The following AGPAT3 variants were observed in gnomAD, a reference collection of about 807,000 sequenced individuals.
AGPAT3 encodes 1-acylglycerol-3-phosphate O-acyltransferase 3, also known as 1-acyl-sn-glycerol-3-phosphate acyltransferase gamma.
A neutral mutation model predicts 47.3 loss-of-function variants in AGPAT3; 5 were observed. The ratio of observed to expected loss-of-function variants is 0.11; its 90% CI spans 0.06 to 0.22. The LOEUF (loss-of-function observed/expected upper bound fraction) is 0.22, where lower values mean the gene tolerates loss of function less well. Among genes scored for constraint, AGPAT3 ranks in the 10% least tolerant of loss-of-function variants. The pLI, the probability that AGPAT3 is intolerant of heterozygous loss-of-function variation, is 1.00. For synonymous variants in AGPAT3, 212 were observed against 208.3 expected, an observed-to-expected ratio of 1.02 and a Z score of -0.15; for missense variants, 315 against 493.0, an observed-to-expected ratio of 0.64 and a Z score of 3.42.
intron 1 of AGPAT3, among the ~76,000 whole-genome samples, chr21:43,881,498 A>G (rs570907995): frequency 4.6e-5 from 7 of 152,322 alleles, no homozygotes; most frequent in African/African-American, 1.4e-4. Flanking sequence ...TGCTGGAAAC[A>G]TGGCTGGTGG....
chr21:43,978,945 G>C (rs901219746), intron 8 of AGPAT3, among the ~76,000 whole-genome samples: 13 of 152,154 alleles, frequency 8.5e-5, no homozygotes, highest in Non-Finnish European at 1.9e-4. Context: ...AGATAACCAG[G>C]AAATCCTCCC....
rs1227038905 is a variant in AGPAT3, at chr21:43,959,301, C to CCACA, written c.-48-333_-48-332insCACA. Among the ~76,000 whole-genome samples, 6 of 86,686 alleles carry CCACA rather than the reference C, an allele frequency of 6.9e-5. No individual in the cohort carries two copies. The East Asian group carries it at 1.5e-3, about 22-fold the overall frequency. The allele number at this position is 86,686 out of a possible 152,430, so 56.9% of individuals were successfully genotyped here. ...TGGCATGTGTGGGGTTTGTGATGAG[C>CCACA]TGTGGTGTGTGGCGTGTGTGTGGTT... On this transcript the variant is annotated intron_variant, in intron 2 of 9. Coordinates refer to ENST00000291572, the MANE Select transcript of AGPAT3 (RefSeq NM_020132.5).
intron 1 of AGPAT3, among the ~76,000 whole-genome samples, chr21:43,884,260 CCCTCCTTCCCCCT>C (rs1332846625): frequency 8.1e-4 from 117 of 144,896 alleles, no homozygotes; most frequent in Middle Eastern, 3.5e-3. Flanking sequence ...CCCTCCTTCC[CCCTCCTTCCCCCT>C]CCTCCTTCCC....
rs900938888 is a variant in AGPAT3, at chr21:43,880,780, T to G, written c.-112+15435T>G. Among the ~76,000 whole-genome samples, 1 of 152,240 alleles carries G rather than the reference T, an allele frequency of 6.6e-6. No homozygotes were observed. Among genetic ancestry groups the G allele is most frequent in the Non-Finnish European group, 1.5e-5 (1 of 68,044 alleles). ...CAGGCGCTGGACGTCTCCTGCTCAC[T>G]GGCATTAAGTGGGCAGGCGGCTTAT... On this transcript the variant is annotated intron_variant, in intron 1 of 9. Transcript: ENST00000291572. This position sits in a 1 kb window ranked among gnomAD's most constrained non-coding sequence, Gnocchi z 4.5.
intron 1 of AGPAT3, among the ~76,000 whole-genome samples, chr21:43,887,246 A>C (rs1473889356): frequency 4.6e-5 from 7 of 152,196 alleles, no homozygotes; most frequent in Non-Finnish European, 7.3e-5. Flanking sequence ...CCCAAGCCTG[A>C]AATATTCACC....
chr21:43,979,313 A>AAAAG (rs2089751345), intron 8 of AGPAT3, among the ~76,000 whole-genome samples: 1 of 145,818 alleles, frequency 6.9e-6, no homozygotes, highest in East Asian at 2.0e-4. Context: ...AAAAAAAAAA[A>AAAAG]AAAGAAAGAA....
intron 2 of AGPAT3, among the ~76,000 whole-genome samples, chr21:43,938,316 CTTTTTTTTT>C (rs57776186): frequency 2.8e-5 from 2 of 70,536 alleles, no homozygotes; most frequent in African/African-American, 1.2e-4. Context: ...ATCTGCAAAT[CTTTTTTTTT>C]TTTTTTTTTT....
chr21:43,874,281 T>C (rs8133789), intron 1 of AGPAT3, among the ~76,000 whole-genome samples: 122,321 of 152,240 alleles, frequency 0.8, 49,199 homozygotes, highest in Admixed American at 0.85. Context: ...CCACCTCGGC[T>C]TCCCCGAGTG....
rs963980583 is a variant in AGPAT3 at position 43,930,029 on chromosome 21, C to T, written c.-49+26010C>T. 1.3e-5 allele frequency among the ~76,000 whole-genome samples: 2 copies of T among 152,356 alleles called. No homozygotes were observed. Among genetic ancestry groups the T allele is most frequent in the South Asian group, 4.1e-4 (2 of 4,828 alleles). The stretch of plus-strand genomic sequence containing the variant: ...GAGAGAGGACTTGAGTGACTGTCCT[C>T]CTGGAACCCAGGGTGCCTTGTCCTG... On this transcript the variant is annotated intron_variant, in intron 2 of 9. Coordinates refer to ENST00000291572, the MANE Select transcript of AGPAT3 (RefSeq NM_020132.5). This position sits in a 1 kb window ranked among gnomAD's most constrained non-coding sequence, Gnocchi z 5.0.
rs1048294567 is a variant in AGPAT3, at chr21:43,930,210, C to T, written c.-49+26191C>T. On this transcript the variant is annotated intron_variant, in intron 2 of 9. Coordinates refer to ENST00000291572, the MANE Select transcript of AGPAT3 (RefSeq NM_020132.5). This position sits in a 1 kb window ranked among gnomAD's most constrained non-coding sequence, Gnocchi z 5.0. ...GGGTTCCCCTTCCACGGTTCCCTGC[C>T]CCCGGGGACACAGTTGTGGGAGGTC... is the stretch of plus-strand genomic sequence containing the variant. 3.3e-5 allele frequency among the ~76,000 whole-genome samples: 5 copies of T among 152,164 alleles called. No homozygotes were observed. Among genetic ancestry groups the T allele is most frequent in the Admixed American group, 6.5e-5 (1 of 15,278 alleles).
chr21:43,976,091 G>A (rs62229688), intron 7 of AGPAT3, among the ~76,000 whole-genome samples: 38,166 of 149,502 alleles, frequency 0.26, 4,912 homozygotes, highest in Admixed American at 0.32. Context: ...TTTTTGAGAC[G>A]GAGTCTCGCT....
chr21:43,977,512 G>A (rs1202043028), intron 7 of AGPAT3, among the ~76,000 whole-genome samples: 2 of 152,118 alleles, frequency 1.3e-5, no homozygotes, highest in Admixed American at 6.5e-5. Context: ...GCCTCTCGCC[G>A]CCATGCCACG....
rs1039235812 is a variant in AGPAT3, at chr21:43,982,086, C to T, written c.1043-218C>T. ...CGTGTCCACCTGCCTCGGACCCAGCCGGTCAGAAGACGTGCCCCTCACCCC... is the reference window on the plus strand; with the variant it reads ...CGTGTCCACCTGCCTCGGACCCAGCTGGTCAGAAGACGTGCCCCTCACCCC... On this transcript the variant is annotated intron_variant, in intron 9 of 9. Transcript: ENST00000291572. The surrounding 1 kb of genome is among the most constrained non-coding windows in gnomAD (Gnocchi z 6.2). Among the ~76,000 whole-genome samples, 4 of 152,226 alleles carry T rather than the reference C, an allele frequency of 2.6e-5. No individual in the cohort carries two copies. Among genetic ancestry groups the T allele is most frequent in the African/African-American group, 7.2e-5 (3 of 41,448 alleles).
At chr21:43,960,654 C>A in intron 3 of AGPAT3, 1 of 748,710 alleles carries the variant, frequency 1.3e-6, no homozygotes, top group Non-Finnish European at 1.6e-6. Flanking sequence ...AGAAGCAACC[C>A]AAGCACCTGT....
At position 43,880,383 on chromosome 21, in the gene AGPAT3, G is replaced by A. The variant is rs2085832409; in HGVS notation, c.-112+15038G>A. Among the ~76,000 whole-genome samples the A allele has an allele frequency of 6.6e-6, 1 of 152,220 alleles. No homozygotes were observed. The highest frequency in any genetic ancestry group is 2.1e-4 in the South Asian group (1 of 4,834). ...TGGGGCTCCTGGTCAGCCTGTTCTT[G>A]TCTTGTTCTGGTGCCACTTCCTCAG... On this transcript the variant is annotated intron_variant, in intron 1 of 9. Coordinates refer to ENST00000291572, the MANE Select transcript of AGPAT3 (RefSeq NM_020132.5). This position sits in a 1 kb window ranked among gnomAD's most constrained non-coding sequence, Gnocchi z 4.5.
In AGPAT3 at chr21:43,941,234, GCA is replaced by G. The variant is rs138090092; in HGVS notation, c.-48-18396_-48-18395del. On this transcript the variant is annotated intron_variant, in intron 2 of 9. Coordinates refer to ENST00000291572, the MANE Select transcript of AGPAT3 (RefSeq NM_020132.5). The stretch of plus-strand genomic sequence containing the variant: ...CTAGACTGTGTTTGTTTTTCTTGGT[GCA>G]CACTTGGCCAGGAGCTGCTTCTCTC... 5.5e-4 allele frequency among the ~76,000 whole-genome samples: 84 copies of G among 152,322 alleles called. 2 individuals are homozygous for G. In the East Asian group the frequency reaches 0.014, roughly 26 times the overall value.
intron 1 of AGPAT3, among the ~76,000 whole-genome samples, chr21:43,868,037 A>C (rs2085546613): frequency 6.6e-6 from 1 of 152,196 alleles, no homozygotes; most frequent in African/African-American, 2.4e-5. Flanking sequence ...TTAATCGTTC[A>C]CCTTCTGACA....
At chr21:43,940,420 G>A (rs2087615981) in intron 2 of AGPAT3, among the ~76,000 whole-genome samples, 1 of 152,192 alleles carries the variant, frequency 6.6e-6, no homozygotes, top group Non-Finnish European at 1.5e-5. Context: ...ACCGTTCTCT[G>A]CATGTCAACA....
Position 43,931,965 on chromosome 21 carries a change from G to A in AGPAT3, c.-48-27669G>A, listed in dbSNP as rs912934688. ...TGTGTGTGTGTGTGTGTGTGTGTGT[G>A]TCTACCTACCTACTACCTATTTGTC... On this transcript the variant is annotated intron_variant, in intron 2 of 9. Coordinates refer to ENST00000291572, the MANE Select transcript of AGPAT3 (RefSeq NM_020132.5). 3.0e-5 allele frequency among the ~76,000 whole-genome samples: 4 copies of A among 133,292 alleles called. No individual in the cohort carries two copies. In the South Asian group the frequency reaches 7.3e-4, roughly 24 times the overall value. The allele number at this position is 133,292 out of a possible 152,430, so 87.4% of individuals were successfully genotyped here. A position where few individuals can be genotyped will look rare whatever the true frequency, so the allele number is the denominator to read the frequency against.
Sources: allele counts gnomAD v4.1 joint callset (sites outside exome capture counted in the v4.1 genomes callset), GRCh38; gene constraint gnomAD v4.1.1; non-coding constraint Gnocchi (gnomAD v3.1); transcripts MANE v1.5; gene names NCBI Gene and HGNC (gene_info 2026-07-23, HGNC 2026-07-21).